Variants in FCHSD2 observed in about 807,000 individuals in gnomAD.
FCHSD2 encodes FCH and double SH3 domains 2, also known as F-BAR and double SH3 domains protein 2.
A neutral mutation model predicts 108.1 loss-of-function variants in FCHSD2; 38 were observed. That is an observed-to-expected ratio of 0.35 (90% CI 0.27 to 0.46). FCHSD2 has a LOEUF of 0.46. Ranked by LOEUF, FCHSD2 falls within the 20% of genes least tolerant of loss-of-function variation. The probability of loss-of-function intolerance (pLI) is 1.00; values close to 1 mark genes in which losing one functional copy is unlikely to be tolerated. For synonymous variants in FCHSD2, 279 were observed against 314.7 expected, an observed-to-expected ratio of 0.89 and a Z score of 1.20; for missense variants, 751 against 897.8, an observed-to-expected ratio of 0.84 and a Z score of 2.09.
chr11:72,981,268 C>T (rs1159409690), intron 8 of FCHSD2, among the ~76,000 whole-genome samples: 2 of 152,166 alleles, frequency 1.3e-5, no homozygotes, highest in African/African-American at 4.8e-5. Flanking sequence ...TACTCCAAAG[C>T]ATGACCTACC....
chr11:72,873,442 C>T (rs1405446603), intron 12 of FCHSD2, among the ~76,000 whole-genome samples: 3 of 151,730 alleles, frequency 2.0e-5, no homozygotes, highest in Non-Finnish European at 4.4e-5. Context: ...AGTATTTTTG[C>T]CTTTTTATTA....
Position 72,843,505 on chromosome 11 carries a change from C to T in FCHSD2, c.1471G>A (p.Glu491Lys). 1 of 1,613,822 alleles carries T rather than the reference C, an allele frequency of 6.2e-7. No individual in the cohort carries two copies. The highest frequency in any genetic ancestry group is 8.5e-7 in the Non-Finnish European group (1 of 1,179,724). Residue 491 changes from glutamate (E) to lysine (K), a missense_variant, in exon 15 of 20, where the codon GAG (glutamate) becomes AAG (lysine). By Grantham distance (56) the Glu-to-Lys change is moderately conservative. Transcript: ENST00000409418. The stretch of plus-strand genomic sequence containing the variant: ...ATCACTTCTAACACCTCATGTTCCT[C>T]AATGGTCAACTCATCTGGTTGAGAA... ...KASQPDELTI[E>K]EHEVLEVIED...
At chr11:73,140,982 G>A (rs1591588776) in intron 1 of FCHSD2, among the ~76,000 whole-genome samples, 1 of 152,238 alleles carries the variant, frequency 6.6e-6, no homozygotes. Flanking sequence ...CAGCAGACAC[G>A]GGTGAGTTAG....
intron 3 of FCHSD2, among the ~76,000 whole-genome samples, chr11:73,056,809 G>A (rs895679984): frequency 3.3e-5 from 5 of 152,156 alleles, no homozygotes; most frequent in East Asian, 3.9e-4. Context: ...AAGGCCGGGC[G>A]CGGTGGCTCA....
intron 13 of FCHSD2, among the ~76,000 whole-genome samples, chr11:72,866,169 A>C (rs1854716493): frequency 6.6e-6 from 1 of 152,236 alleles, no homozygotes; most frequent in African/African-American, 2.4e-5. Context: ...CAAAAACTCT[A>C]CAACAGTCTG....
At chr11:72,989,315 A>G (rs1402873076) in intron 5 of FCHSD2, among the ~76,000 whole-genome samples, 4 of 152,316 alleles carry the variant, frequency 2.6e-5, no homozygotes, top group Non-Finnish European at 5.9e-5. Flanking sequence ...CAGTTTGCCT[A>G]ACAACCATAC....
At chr11:72,989,153 T>C in intron 5 of FCHSD2, 56 bp from the exon 6 acceptor site, 2 of 1,471,922 alleles carry the variant, frequency 1.4e-6, no homozygotes, top group Admixed American at 2.0e-5. Context: ...TTACAGAAAA[T>C]GACTTCATCC....
At chr11:73,096,737 C>T (rs1860087228) in intron 2 of FCHSD2, among the ~76,000 whole-genome samples, 1 of 151,680 alleles carries the variant, frequency 6.6e-6, no homozygotes, top group South Asian at 2.1e-4. Context: ...TCATATGTGC[C>T]CTTTAACATG....
chr11:73,111,046 T>C (rs1022221456), intron 2 of FCHSD2, among the ~76,000 whole-genome samples: 2 of 152,202 alleles, frequency 1.3e-5, no homozygotes, highest in Non-Finnish European at 2.9e-5. Flanking sequence ...CATGCTATTA[T>C]TTCAGGGGTT....
chr11:73,028,569 A>G (rs185610794), intron 3 of FCHSD2, among the ~76,000 whole-genome samples: 94 of 152,282 alleles, frequency 6.2e-4, no homozygotes, highest in Middle Eastern at 3.4e-3. Context: ...TAATGTTGGC[A>G]TGAGTTAAGA....
intron 3 of FCHSD2, among the ~76,000 whole-genome samples, chr11:73,081,427 C>T (rs1298628900): frequency 1.3e-5 from 2 of 152,054 alleles, no homozygotes; most frequent in African/African-American, 4.8e-5. Flanking sequence ...GAGTGAGACT[C>T]CATCTCAATT....
At chr11:72,891,156 T>C (rs1855306937) in intron 10 of FCHSD2, among the ~76,000 whole-genome samples, 1 of 152,160 alleles carries the variant, frequency 6.6e-6, no homozygotes, top group Non-Finnish European at 1.5e-5. Flanking sequence ...CATCTTGAAC[T>C]CCTTGGCTCA....
At chr11:72,934,725 A>G (rs142924895) in intron 8 of FCHSD2, among the ~76,000 whole-genome samples, 5 of 152,320 alleles carry the variant, frequency 3.3e-5, no homozygotes, top group Non-Finnish European at 5.9e-5. Context: ...ATGTGAGTTA[A>G]TCTGGCAGTA....
At chr11:72,850,374 G>T (rs1295759028) in intron 13 of FCHSD2, among the ~76,000 whole-genome samples, 5 of 151,644 alleles carry the variant, frequency 3.3e-5, no homozygotes, top group African/African-American at 1.2e-4. Context: ...CTAGGACAGA[G>T]ATTTTTTTTT....
At chr11:73,032,888 AC>A (rs1370714267) in intron 3 of FCHSD2, among the ~76,000 whole-genome samples, 1 of 152,174 alleles carries the variant, frequency 6.6e-6, no homozygotes, top group Non-Finnish European at 1.5e-5. Flanking sequence ...TGTTTGGACT[AC>A]CTTAAGACAA....
chr11:72,937,240 C>T (rs894039766), intron 8 of FCHSD2, among the ~76,000 whole-genome samples: 7 of 152,070 alleles, frequency 4.6e-5, no homozygotes, highest in South Asian at 2.1e-4. Flanking sequence ...ATCAGAAAAA[C>T]GTATAGATTA....
At chr11:72,841,204 C>T (rs1193497406) in intron 18 of FCHSD2, among the ~76,000 whole-genome samples, 1 of 151,684 alleles carries the variant, frequency 6.6e-6, no homozygotes, top group African/African-American at 2.4e-5. Flanking sequence ...TGTGGTGGTG[C>T]ATGCCTGTAT....
chr11:73,010,576 T>G (rs188253689), intron 4 of FCHSD2, among the ~76,000 whole-genome samples: 1 of 152,224 alleles, frequency 6.6e-6, no homozygotes, highest in Non-Finnish European at 1.5e-5. Flanking sequence ...ATCTATGGTG[T>G]TGTTTGGTAG....
chr11:72,954,196 A>AATT lies in FCHSD2; in HGVS notation c.705+29891_705+29892insAAT, dbSNP rs1565339614. ...TAGAATATTAGCAGTAGATGTGGGG[A>AATT]TTTTTTTTTTTTTTTTTTTTTTTTT... On this transcript the variant is annotated intron_variant, in intron 8 of 19. Transcript: ENST00000409418. Among the ~76,000 whole-genome samples the AATT allele has an allele frequency of 2.5e-4, 28 of 111,698 alleles. 12 individuals carry two copies. The highest frequency in any genetic ancestry group is 2.0e-4 in the Non-Finnish European group (11 of 55,676). The allele number at this position is 111,698 out of a possible 152,430, so 73.3% of individuals were successfully genotyped here.
Sources: allele counts gnomAD v4.1 joint callset (sites outside exome capture counted in the v4.1 genomes callset), GRCh38; gene constraint gnomAD v4.1.1; transcripts MANE v1.5; gene names NCBI Gene and HGNC (gene_info 2026-07-23, HGNC 2026-07-21).